ZFR: variants seen among roughly 807,000 people sequenced by gnomAD.
The protein encoded by ZFR is zinc finger RNA-binding protein.
A neutral mutation model predicts 130.7 loss-of-function variants in ZFR; 19 were observed. That is an observed-to-expected ratio of 0.15 (90% CI 0.10 to 0.21). The LOEUF (loss-of-function observed/expected upper bound fraction) is 0.21. Among genes scored for constraint, ZFR ranks in the 10% least tolerant of loss-of-function variants. ZFR has a pLI of 1.00. For synonymous variants in ZFR, 466 were observed against 456.9 expected, an observed-to-expected ratio of 1.02 and a Z score of -0.25; for missense variants, 872 against 1,321.5, an observed-to-expected ratio of 0.66 and a Z score of 5.27.
rs1561903866 is a variant in ZFR, at chr5:32,411,704, AATT to A, written c.784+3262_784+3264del. ...ATGCTGTCTCAAAAAAAAAAAAAAA[AATT>A]GAGGGGGGGCGGGGAATAGAAAATA... is the stretch of plus-strand genomic sequence containing the variant. On this transcript the variant is annotated intron_variant, in intron 5 of 19. Transcript: ENST00000265069. Among the ~76,000 whole-genome samples, 78 of 42,304 alleles carry A rather than the reference AATT, an allele frequency of 1.8e-3. 2 individuals carry two copies. Among genetic ancestry groups the A allele is most frequent in the Non-Finnish European group, 2.2e-3 (59 of 27,254 alleles). The allele number at this position is 42,304 out of a possible 152,430, so 27.8% of individuals were successfully genotyped here.
intron 11 of ZFR, among the ~76,000 whole-genome samples, chr5:32,391,525 CTTTTTTT>C (rs34370191): frequency 1.5e-5 from 2 of 134,150 alleles, no homozygotes; most frequent in African/African-American, 2.8e-5. Context: ...GAAATCTACT[CTTTTTTT>C]TTTTTTTTTT....
In ZFR at chr5:32,355,657, T is replaced by C; in HGVS notation, c.*103A>G. 8.8e-7 allele frequency: 1 copy of C among 1,141,730 alleles called. No individual in the cohort carries two copies. The highest frequency in any genetic ancestry group is 1.9e-5 in the South Asian group (1 of 53,746). 70.7% of individuals were successfully genotyped at this position (1,141,730 alleles called of 1,614,324 possible). A position where few individuals can be genotyped will look rare whatever the true frequency, so the allele number is the denominator to read the frequency against. ...AAAACTTGGTTCTTCCATGAAATCC[T>C]TTAAATTCTTGATAAATTTTTCAAT... is the stretch of plus-strand genomic sequence containing the variant. On this transcript the variant is annotated 3_prime_UTR_variant, in exon 20 of 20. Coordinates refer to ENST00000265069, the MANE Select transcript of ZFR (RefSeq NM_016107.5).
chr5:32,373,076 AC>A (rs1049841004), intron 17 of ZFR, among the ~76,000 whole-genome samples: 1 of 152,020 alleles, frequency 6.6e-6, no homozygotes, highest in African/African-American at 2.4e-5. Context: ...AACAAAAGTA[AC>A]CCTCCTTCAA....
intron 11 of ZFR, among the ~76,000 whole-genome samples, chr5:32,393,256 T>A (rs1753222153): frequency 6.6e-6 from 1 of 152,220 alleles, no homozygotes; most frequent in Admixed American, 6.5e-5. Flanking sequence ...TGTAATATTT[T>A]AACAAATATA....
At chr5:32,429,856 G>C (rs1754163175) in intron 2 of ZFR, among the ~76,000 whole-genome samples, 1 of 152,072 alleles carries the variant, frequency 6.6e-6, no homozygotes, top group Non-Finnish European at 1.5e-5. Context: ...ATCACTTGAG[G>C]CTAGGAGTTT....
At chr5:32,408,725 T>C (rs188111191) in intron 5 of ZFR, among the ~76,000 whole-genome samples, 194 of 152,330 alleles carry the variant, frequency 1.3e-3, no homozygotes, top group Non-Finnish European at 9.7e-4. Flanking sequence ...AGAAATTTTG[T>C]TTTAAGCAAT....
intron 8 of ZFR, among the ~76,000 whole-genome samples, chr5:32,400,670 C>A (rs1210395929): frequency 6.6e-6 from 1 of 152,044 alleles, no homozygotes; most frequent in African/African-American, 2.4e-5. Flanking sequence ...TGAGACCAGC[C>A]GGGGGAACAT....
chr5:32,387,852 T>G (rs1753073888), intron 13 of ZFR, among the ~76,000 whole-genome samples, 153 bp from the exon 14 acceptor site: 1 of 152,134 alleles, frequency 6.6e-6, no homozygotes, highest in Non-Finnish European at 1.5e-5. Context: ...AGAACTATAC[T>G]TCATTTAAGC....
At chr5:32,373,411 T>C (rs1419590575) in intron 17 of ZFR, among the ~76,000 whole-genome samples, 1 of 151,984 alleles carries the variant, frequency 6.6e-6, no homozygotes, top group African/African-American at 2.4e-5. Context: ...GGTGGGGAAA[T>C]AAAATTCCCT....
At position 32,395,322 on chromosome 5, in the gene ZFR, A is replaced by G. The variant is rs752381881; in HGVS notation, c.1834-18T>C. ...ACTTTTTTCTATTAATATAAATAAG[A>G]CATTTAAAAAACAGCAGCCCCAAAA... On this transcript the variant is annotated intron_variant, in intron 10 of 19. Coordinates refer to ENST00000265069, the MANE Select transcript of ZFR (RefSeq NM_016107.5). 2.6e-6 allele frequency: 4 copies of G among 1,513,900 alleles called. No homozygotes were observed. The highest frequency in any genetic ancestry group is 3.5e-6 in the Non-Finnish European group (4 of 1,134,164). 93.8% of individuals were successfully genotyped at this position (1,513,900 alleles called of 1,614,324 possible).
rs1477296292 is a variant in ZFR, at chr5:32,354,444, T to C, written c.*1316A>G. On this transcript the variant is annotated 3_prime_UTR_variant, in exon 20 of 20. Transcript: ENST00000265069. ...AACATATAATACATTTAAGTCATTA[T>C]ATGAATTTCATTTTTTGTGTATTTC... 6.6e-6 allele frequency: 1 copy of C among 152,654 alleles called. No individual in the cohort carries two copies. Among genetic ancestry groups the C allele is most frequent in the Non-Finnish European group, 1.5e-5 (1 of 68,044 alleles). The allele number at this position is 152,654 out of a possible 1,614,324, so 9.5% of individuals were successfully genotyped here. A position where few individuals can be genotyped will look rare whatever the true frequency, so the allele number is the denominator to read the frequency against.
At chr5:32,377,816 C>A (rs574739015) in intron 17 of ZFR, among the ~76,000 whole-genome samples, 1 of 151,982 alleles carries the variant, frequency 6.6e-6, no homozygotes, top group South Asian at 2.1e-4. Context: ...CTCAGCCTCC[C>A]GAGTAGCTTG....
At chr5:32,405,944 C>T (rs572354691) in intron 6 of ZFR, among the ~76,000 whole-genome samples, 65 of 152,226 alleles carry the variant, frequency 4.3e-4, no homozygotes, top group African/African-American at 1.3e-3. Flanking sequence ...GTAAAGTAAA[C>T]GTGTTACACA....
intron 2 of ZFR, among the ~76,000 whole-genome samples, chr5:32,433,886 A>G (rs1279230837): frequency 6.6e-6 from 1 of 151,940 alleles, no homozygotes; most frequent in Non-Finnish European, 1.5e-5. Flanking sequence ...CTTGAGACCA[A>G]CCTGGGCAAC....
At position 32,406,621 on chromosome 5, in the gene ZFR, A is replaced by G. The variant is rs74382894; in HGVS notation, c.1032+153T>C. The G allele has an allele frequency of 7.0e-3, 7,563 of 1,085,768 alleles. 44 individuals are homozygous for G. The highest frequency in any genetic ancestry group is 8.2e-3 in the Non-Finnish European group (6,853 of 836,702). The allele number at this position is 1,085,768 out of a possible 1,614,324, so 67.3% of individuals were successfully genotyped here. On this transcript the variant is annotated intron_variant, in intron 6 of 19. Coordinates refer to ENST00000265069, the MANE Select transcript of ZFR (RefSeq NM_016107.5). Reference sequence around the variant, plus strand: ...CTTTACAGTTTTTTTTTCCCTGAAAATTCTCATGCCACAATACAAGTAACT... The same window carrying G: ...CTTTACAGTTTTTTTTTCCCTGAAAGTTCTCATGCCACAATACAAGTAACT...
Position 32,444,662 on chromosome 5 carries a change from C to T in ZFR, c.-4G>A. On this transcript the variant is annotated 5_prime_UTR_variant, in exon 1 of 20. Transcript: ENST00000265069. Reference sequence around the variant, plus strand: ...CTACAGGGCATATGGGAATCATGGGCTCGGGCTGCTGCTGCTGAACTCTGA... The same window carrying T: ...CTACAGGGCATATGGGAATCATGGGTTCGGGCTGCTGCTGCTGAACTCTGA... The T allele has an allele frequency of 3.3e-6, 5 of 1,511,100 alleles. No homozygotes were observed. The highest frequency in any genetic ancestry group is 4.4e-6 in the Non-Finnish European group (5 of 1,129,808). The allele number at this position is 1,511,100 out of a possible 1,614,324, so 93.6% of individuals were successfully genotyped here. A position where few individuals can be genotyped will look rare whatever the true frequency, so the allele number is the denominator to read the frequency against.
At chr5:32,424,414 C>A (rs947452506) in intron 2 of ZFR, among the ~76,000 whole-genome samples, 14 of 152,094 alleles carry the variant, frequency 9.2e-5, no homozygotes, top group Admixed American at 8.5e-4. Flanking sequence ...ACCTGTAGTC[C>A]CGGCTACTCG....
chr5:32,437,839 C>G (rs1278926655), intron 2 of ZFR, among the ~76,000 whole-genome samples: 3 of 152,138 alleles, frequency 2.0e-5, no homozygotes, highest in African/African-American at 7.2e-5. Context: ...ACCAATACCA[C>G]ATTTTTCTAT....
intron 19 of ZFR, among the ~76,000 whole-genome samples, chr5:32,356,576 CT>C (rs1307757015): frequency 1.1e-4 from 16 of 151,582 alleles, no homozygotes; most frequent in African/African-American, 2.9e-4. Flanking sequence ...CCACGCCTGG[CT>C]AATTTTTTTT....
Sources: gnomAD v4.1 joint callset for allele counts (sites outside exome capture counted in the v4.1 genomes callset) on GRCh38, gnomAD v4.1.1 for gene constraint, MANE v1.5 for transcripts, NCBI Gene and HGNC (gene_info 2026-07-23, HGNC 2026-07-21) for gene names.